The following AGBL1 variants were observed in gnomAD, a reference collection of about 807,000 sequenced individuals.
AGBL1 encodes the protein AGBL carboxypeptidase 1, also known as cytosolic carboxypeptidase 4.
In AGBL1, 130 loss-of-function variants were observed where a neutral mutation model predicts 118.9. That is an observed-to-expected ratio of 1.09 (90% confidence interval 0.95 to 1.26). The LOEUF (loss-of-function observed/expected upper bound fraction) is 1.26. AGBL1 is among the 50% of genes most tolerant of loss of function. The probability of loss-of-function intolerance (pLI) is 0.00; values close to 1 mark genes in which losing one functional copy is unlikely to be tolerated. For missense variants in AGBL1, 1,584 were observed against 1,298.1 expected (o/e 1.22, Z -3.38); for synonymous variants, 555 against 478.9 (o/e 1.16, Z -2.08).
At chr15:86,378,481 A>C (rs1271906068) in intron 17 of AGBL1, among the ~76,000 whole-genome samples, 1 of 152,028 alleles carries the variant, frequency 6.6e-6, no homozygotes, top group Admixed American at 6.6e-5. Flanking sequence ...AGGAAATACA[A>C]TCACTCAGCC....
At chr15:86,195,626 A>G (rs1032253511) in intron 5 of AGBL1, among the ~76,000 whole-genome samples, 6 of 152,098 alleles carry the variant, frequency 3.9e-5, no homozygotes, top group African/African-American at 7.2e-5. Context: ...GTGAGATTTG[A>G]CTCCAAATCT....
At chr15:86,380,316 AC>A (rs2081095998) in intron 17 of AGBL1, among the ~76,000 whole-genome samples, 1 of 122,650 alleles carries the variant, frequency 8.2e-6, no homozygotes, top group South Asian at 2.5e-4. Context: ...ACAGAGTCCC[AC>A]TGTGTCGCCC....
intron 1 of AGBL1, chr15:86,105,474 T>C (rs1897003467): frequency 6.6e-6 from 1 of 152,240 alleles, no homozygotes. Context: ...GTGTTCTGAA[T>C]ATCCCTGAGG....
intron 21 of AGBL1, among the ~76,000 whole-genome samples, chr15:86,638,189 G>T (rs535216437): frequency 2.0e-5 from 3 of 152,336 alleles, no homozygotes; most frequent in African/African-American, 4.8e-5. Context: ...GATAGTAGCA[G>T]TTGGTAGCCC....
intron 22 of AGBL1, among the ~76,000 whole-genome samples, chr15:86,861,170 T>TA (rs1227334966): frequency 6.6e-6 from 1 of 152,164 alleles, no homozygotes; most frequent in Non-Finnish European, 1.5e-5. Flanking sequence ...TGATCCCCAT[T>TA]GAAGGTATCT....
At chr15:86,733,456 CAGCTATCTG>C (rs1359080315) in intron 22 of AGBL1, among the ~76,000 whole-genome samples, 1 of 152,146 alleles carries the variant, frequency 6.6e-6, no homozygotes, top group African/African-American at 2.4e-5. Context: ...AATGCTTTAC[CAGCTATCTG>C]AGCATCCCTT....
intron 22 of AGBL1, among the ~76,000 whole-genome samples, chr15:86,731,137 A>G (rs2077521932): frequency 6.6e-6 from 1 of 152,160 alleles, no homozygotes; most frequent in African/African-American, 2.4e-5. Context: ...GGCCTTATAT[A>G]TAAACAAATC....
At position 86,582,986 on chromosome 15, in the gene AGBL1, A is replaced by G. The variant is rs146961767; in HGVS notation, c.2994+28449A>G. Among the ~76,000 whole-genome samples, 638 of 152,238 alleles carry G rather than the reference A, an allele frequency of 4.2e-3. 8 individuals are homozygous for G. The highest frequency in any genetic ancestry group is 0.015 in the African/African-American group (615 of 41,524). ...AGTAACAAACCTGCACATTGTGCAC[A>G]CATACCCTAAAACTTAAAGTATAAT... On this transcript the variant is annotated intron_variant, in intron 21 of 22. Transcript: ENST00000614907.
intron 21 of AGBL1, among the ~76,000 whole-genome samples, chr15:86,634,062 G>T (rs1293017970): frequency 1.3e-5 from 2 of 151,930 alleles, no homozygotes; most frequent in Non-Finnish European, 2.9e-5. Flanking sequence ...ACAGAAAATA[G>T]CTAGTATTGG....
chr15:86,295,409 G>A lies in AGBL1; in HGVS notation c.2374+1G>A, dbSNP rs760446554. The A allele has an allele frequency of 1.6e-5, 25 of 1,556,772 alleles. No homozygotes were observed. Among genetic ancestry groups the A allele is most frequent in the Middle Eastern group, 3.5e-4 (2 of 5,774 alleles). The stretch of plus-strand genomic sequence containing the variant: ...AGTGATGAGCATCTAGAGCAGTTCC[G>A]TGAGTAAAATGGGATCCTCTTCGTA... On this transcript the variant is annotated splice_donor_variant, in intron 17 of 22. Transcript: ENST00000614907. LOFTEE classifies it high-confidence loss of function.
intron 6 of AGBL1, among the ~76,000 whole-genome samples, chr15:86,226,437 G>T (rs2078364400): frequency 6.6e-6 from 1 of 152,168 alleles, no homozygotes; most frequent in African/African-American, 2.4e-5. Flanking sequence ...GATGTTTCAT[G>T]GGAAGGGAGC....
intron 21 of AGBL1, among the ~76,000 whole-genome samples, chr15:86,601,511 T>G (rs2084493125): frequency 6.6e-6 from 1 of 152,176 alleles, no homozygotes; most frequent in South Asian, 2.1e-4. Context: ...GCAAGTGGGT[T>G]AATTAATTCA....
chr15:86,685,206 C>T (rs897972448), intron 22 of AGBL1, among the ~76,000 whole-genome samples: 4 of 152,106 alleles, frequency 2.6e-5, no homozygotes, highest in African/African-American at 9.6e-5. Flanking sequence ...TGGACATGGA[C>T]ACCTCAGGAG....
intron 6 of AGBL1, among the ~76,000 whole-genome samples, chr15:86,236,948 G>A: frequency 5.7e-5 from 1 of 17,424 alleles, no homozygotes; most frequent in African/African-American, 2.1e-4. Flanking sequence ...GGGGCGGGGG[G>A]GGGCGGGGGG....
In AGBL1 at chr15:86,907,490, A is replaced by G. The variant is rs908395243; in HGVS notation, c.*196A>G. 1 of 152,096 alleles carries G rather than the reference A, an allele frequency of 6.6e-6. No homozygotes were observed. The highest frequency in any genetic ancestry group is 1.5e-5 in the Non-Finnish European group (1 of 68,052). The allele number at this position is 152,096 out of a possible 1,614,324, so 9.4% of individuals were successfully genotyped here. On this transcript the variant is annotated 3_prime_UTR_variant, in exon 23 of 23. Coordinates refer to ENST00000614907, the MANE Select transcript of AGBL1 (RefSeq NM_001386094.1). ...GAAGCTAGCCACTTTATAACATTTT[A>G]TATTAGAGTTAGGTAGCCCTTGGGG...
intron 6 of AGBL1, among the ~76,000 whole-genome samples, chr15:86,241,437 G>T (rs992850011): frequency 5.3e-5 from 8 of 152,150 alleles, no homozygotes; most frequent in Admixed American, 3.9e-4. Flanking sequence ...TGGAAATTCA[G>T]TTCAGAACGC....
At chr15:86,346,124 A>C (rs2080532775) in intron 17 of AGBL1, among the ~76,000 whole-genome samples, 1 of 151,684 alleles carries the variant, frequency 6.6e-6, no homozygotes, top group Non-Finnish European at 1.5e-5. Context: ...CTGGGATTAC[A>C]GGCGTGTGCC....
At chr15:86,719,496 C>T (rs1025132265) in intron 22 of AGBL1, among the ~76,000 whole-genome samples, 5 of 152,098 alleles carry the variant, frequency 3.3e-5, no homozygotes, top group African/African-American at 1.2e-4. Flanking sequence ...CTTTGCATTC[C>T]TTTCTATGCA....
intron 22 of AGBL1, among the ~76,000 whole-genome samples, chr15:86,738,122 A>G (rs371034705): frequency 9.2e-5 from 14 of 152,136 alleles, no homozygotes; most frequent in African/African-American, 3.4e-4. Flanking sequence ...TTTATATGTT[A>G]ATTTTGTATC....
Sources: allele counts gnomAD v4.1 joint callset (sites outside exome capture counted in the v4.1 genomes callset), GRCh38; gene constraint gnomAD v4.1.1; transcripts MANE v1.5; gene names NCBI Gene and HGNC (gene_info 2026-07-23, HGNC 2026-07-21).